CEP162: variants seen among roughly 807,000 people sequenced by gnomAD.
The protein encoded by CEP162 is centrosomal protein 162, also known as centrosomal protein of 162 kDa.
A neutral mutation model predicts 169.2 loss-of-function variants in CEP162; 141 were observed. The observed-to-expected ratio is 0.83, with a 90% CI of 0.73 to 0.96. The LOEUF (loss-of-function observed/expected upper bound fraction) is 0.96. Ranked by LOEUF, CEP162 falls within the 40% of genes least tolerant of loss-of-function variation. CEP162 has a pLI of 0.00. For missense variants in CEP162, 1,600 were observed against 1,587.2 expected, an observed-to-expected ratio of 1.01 and a Z score of -0.14; for synonymous variants, 540 against 526.4, an observed-to-expected ratio of 1.03 and a Z score of -0.35.
chr6:84,138,548 A>G (rs2099515120), intron 25 of CEP162, among the ~76,000 whole-genome samples: 1 of 152,184 alleles, frequency 6.6e-6, no homozygotes, highest in African/African-American at 2.4e-5. Context: ...TCCATATTAA[A>G]AGGTAGGTAT....
At chr6:84,198,710 T>C (rs976507362) in intron 9 of CEP162, among the ~76,000 whole-genome samples, 1 of 152,184 alleles carries the variant, frequency 6.6e-6, no homozygotes, top group Non-Finnish European at 1.5e-5. Context: ...TAAATAATGA[T>C]GATAATAACA....
intron 3 of CEP162, among the ~76,000 whole-genome samples, chr6:84,217,315 G>C (rs1230009759): frequency 1.3e-5 from 2 of 152,228 alleles, no homozygotes; most frequent in African/African-American, 4.8e-5. Flanking sequence ...AAGAGGAACA[G>C]AGAATGCAGG....
At chr6:84,201,109 T>A (rs7763177) in intron 8 of CEP162, among the ~76,000 whole-genome samples, 8,773 of 152,214 alleles carry the variant, frequency 0.058, 869 homozygotes, top group African/African-American at 0.2. Flanking sequence ...AAACCCCGTC[T>A]CTATTAAAAA....
In CEP162 at chr6:84,155,317, T is replaced by A; in HGVS notation, c.2975A>T (p.Gln992Leu). The part of the protein sequence containing the change: ...DAKKSLRTME[Q>L]QFQKMKIQYE... ...ACTTACCTTCATTTTCTGAAACTGT[T>A]GTTCCATGGTACGAAGGCTTTTCTT... Residue 992 changes from glutamine to leucine, a missense_variant, in exon 22 of 27, where the codon CAA (glutamine) becomes CTA (leucine). By Grantham distance (113) the Gln-to-Leu change is moderately radical (BLOSUM62 -2). Coordinates refer to ENST00000403245, the MANE Select transcript of CEP162 (RefSeq NM_014895.4). 6.2e-7 allele frequency: 1 copy of A among 1,613,420 alleles called. No individual in the cohort carries two copies. Among genetic ancestry groups the A allele is most frequent in the Non-Finnish European group, 8.5e-7 (1 of 1,179,544 alleles).
intron 11 of CEP162, 85 bp from the exon 12 acceptor site, chr6:84,186,708 C>T: frequency 9.6e-7 from 1 of 1,042,618 alleles, no homozygotes; most frequent in Non-Finnish European, 1.4e-6. Context: ...TGTGTACACG[C>T]AGACACACTA....
chr6:84,143,922 T>C (rs908600607), intron 25 of CEP162, among the ~76,000 whole-genome samples: 1 of 152,164 alleles, frequency 6.6e-6, no homozygotes, highest in African/African-American at 2.4e-5. Flanking sequence ...ATCAGTTCTT[T>C]GATTACTTAG....
At chr6:84,180,670 C>T (rs1240200789) in intron 13 of CEP162, among the ~76,000 whole-genome samples, 1 of 150,786 alleles carries the variant, frequency 6.6e-6, no homozygotes, top group Non-Finnish European at 1.5e-5. Context: ...AATCAATGTG[C>T]AAAAATCACA....
Position 84,153,014 on chromosome 6 carries a change from G to A in CEP162, c.3160C>T (p.His1054Tyr). 6.2e-7 allele frequency: 1 copy of A among 1,613,474 alleles called. No individual in the cohort carries two copies. Among genetic ancestry groups the A allele is most frequent in the South Asian group, 1.1e-5 (1 of 91,058 alleles). Residue 1054 changes from histidine (H) to tyrosine (Y), a missense_variant, in exon 23 of 27, where the codon CAT becomes TAT. Coordinates refer to ENST00000403245, the MANE Select transcript of CEP162 (RefSeq NM_014895.4). The part of the protein sequence containing the change: ...NLEAEIDVLK[H>Y]QNAELDVKKN... The stretch of plus-strand genomic sequence containing the variant: ...TTGACGTCTAATTCAGCATTCTGAT[G>A]TTTAAGAACGTCTATTTCGGCTTCA...
At chr6:84,157,630 G>A (rs773854165) in intron 21 of CEP162, among the ~76,000 whole-genome samples, 7 of 152,044 alleles carry the variant, frequency 4.6e-5, no homozygotes, top group South Asian at 2.1e-4. Flanking sequence ...AGCCAGGATC[G>A]CGCTCCAGCC....
At chr6:84,201,648 C>A in intron 8 of CEP162, 89 bp downstream of exon 8, 2 of 658,518 alleles carry the variant, frequency 3.0e-6, no homozygotes, top group South Asian at 1.9e-5. Context: ...AAAACAAACA[C>A]AGATAGTGAC....
chr6:84,164,020 A>C (rs983437980), intron 18 of CEP162, among the ~76,000 whole-genome samples: 8 of 149,764 alleles, frequency 5.3e-5, no homozygotes, highest in African/African-American at 1.5e-4. Context: ...AAAAAAAAAA[A>C]CCATCAAAAA....
chr6:84,183,265 C>T (rs1273743506), intron 13 of CEP162, among the ~76,000 whole-genome samples: 1 of 150,812 alleles, frequency 6.6e-6, no homozygotes, highest in Non-Finnish European at 1.5e-5. Context: ...ATCTAGCAAC[C>T]TCCTCATCAT....
At chr6:84,134,255 G>C (rs1197635890) in intron 25 of CEP162, among the ~76,000 whole-genome samples, 1 of 152,210 alleles carries the variant, frequency 6.6e-6, no homozygotes, top group Non-Finnish European at 1.5e-5. Flanking sequence ...TATGCTGGCA[G>C]TGAGAATTTC....
chr6:84,149,220 G>A (rs780964094), intron 24 of CEP162, among the ~76,000 whole-genome samples: 5 of 152,098 alleles, frequency 3.3e-5, no homozygotes, highest in Non-Finnish European at 7.4e-5. Flanking sequence ...CAACATCCAA[G>A]TTCAAGTACT....
chr6:84,155,169 T>C (rs2099522659), intron 22 of CEP162, 129 bp downstream of exon 22: 5 of 722,490 alleles, frequency 6.9e-6, no homozygotes, highest in South Asian at 5.8e-5. Flanking sequence ...CTTTTGCACC[T>C]ATTGATACCA....
rs1048367407 is a variant in CEP162 at position 84,163,202 on chromosome 6, G to A, written c.2454C>T (p.Asp818=). Residue 818 remains aspartate (D), a synonymous_variant, in exon 19 of 27, where the codon GAC becomes GAT. Transcript: ENST00000403245. ...LKQDKQALEV[D]FEKMKKERDQ... is the part of the protein sequence containing the mutation. ...CCCTCTCTTTCTTCATTTTTTCGAA[G>A]TCTACTTCAAGAGCTTGTTTGTCTT... 1.9e-6 allele frequency: 3 copies of A among 1,612,684 alleles called. No individual in the cohort carries two copies. The highest frequency in any genetic ancestry group is 2.7e-5 in the African/African-American group (2 of 74,846).
chr6:84,125,252 C>T lies in CEP162; in HGVS notation c.4030G>A (p.Val1344Ile). The T allele has an allele frequency of 6.2e-7, 1 of 1,613,336 alleles. No homozygotes were observed. The highest frequency in any genetic ancestry group is 1.1e-5 in the South Asian group (1 of 91,046). Residue 1344 changes from valine to isoleucine, a missense_variant, in exon 27 of 27, where the codon GTA (valine) becomes ATA (isoleucine). Val to Ile is a conservative substitution (Grantham distance 29). Transcript: ENST00000403245. Reference sequence around the variant, plus strand: ...ACTTCTTTGTTTTGCTCAGTTTCTACTACTTGGTGTGTTTGCTGTATTATC... The same window carrying T: ...ACTTCTTTGTTTTGCTCAGTTTCTATTACTTGGTGTGTTTGCTGTATTATC... ...QQIIQQTHQV[V>I]ETEQNKEVEK... is the part of the protein sequence containing the mutation.
chr6:84,196,045 T>A (rs533743218), intron 9 of CEP162, among the ~76,000 whole-genome samples: 1 of 152,162 alleles, frequency 6.6e-6, no homozygotes, highest in Non-Finnish European at 1.5e-5. Context: ...AATAGAAACC[T>A]TGATGTCATC....
chr6:84,217,272 C>G (rs925783232), intron 3 of CEP162, among the ~76,000 whole-genome samples: 5 of 152,038 alleles, frequency 3.3e-5, no homozygotes, highest in African/African-American at 1.2e-4. Context: ...CATTAGAAAA[C>G]AGTTAAGTGC....
Sources: allele counts gnomAD v4.1 joint callset (sites outside exome capture counted in the v4.1 genomes callset), GRCh38; gene constraint gnomAD v4.1.1; transcripts MANE v1.5; gene names NCBI Gene and HGNC (gene_info 2026-07-23, HGNC 2026-07-21).